SEPSECS: variants seen among roughly 807,000 people sequenced by gnomAD.
SEPSECS encodes the protein Sep (O-phosphoserine) tRNA:Sec (selenocysteine) tRNA synthase.
Under a neutral mutation model 52.1 loss-of-function variants are expected in SEPSECS, and 42 were observed. The ratio of observed to expected loss-of-function variants is 0.81; its 90% confidence interval spans 0.63 to 1.04. The LOEUF (loss-of-function observed/expected upper bound fraction) is 1.04. SEPSECS is among the 50% of genes least tolerant of loss of function. The probability of loss-of-function intolerance (pLI) is 0.00; values close to 1 mark genes in which losing one functional copy is unlikely to be tolerated. For synonymous variants in SEPSECS, 216 were observed against 211.4 expected (o/e 1.02, Z -0.19); for missense variants, 590 against 610.6 (o/e 0.97, Z 0.36).
chr4:25,133,941 C>G (rs1330261284), intron 8 of SEPSECS, among the ~76,000 whole-genome samples: 1 of 151,152 alleles, frequency 6.6e-6, no homozygotes, highest in Non-Finnish European at 1.5e-5. Context: ...TGGCAAAACC[C>G]TGTCTCTACA....
At chr4:25,158,019 TTAAAA>T (rs1712793432) in intron 2 of SEPSECS, among the ~76,000 whole-genome samples, 2 of 152,154 alleles carry the variant, frequency 1.3e-5, no homozygotes, top group African/African-American at 4.8e-5. Flanking sequence ...TCAATACTCT[TTAAAA>T]TAAAAAACCC....
Position 25,120,637 on chromosome 4 carries a change from T to C in SEPSECS, c.*3294A>G, listed in dbSNP as rs1012512862. The C allele has an allele frequency of 2.6e-5, 4 of 152,118 alleles. No individual in the cohort carries two copies. The highest frequency in any genetic ancestry group is 7.2e-5 in the African/African-American group (3 of 41,446). The allele number at this position is 152,118 out of a possible 1,614,324, so 9.4% of individuals were successfully genotyped here. A position where few individuals can be genotyped will look rare whatever the true frequency, so the allele number is the denominator to read the frequency against. ...AGGTTGGCCTCAAAAATGCAAAACA[T>C]AACAAAATCATTTAAGGGTCTGGCA... On this transcript the variant is annotated 3_prime_UTR_variant, in exon 11 of 11. Coordinates refer to ENST00000382103, the MANE Select transcript of SEPSECS (RefSeq NM_016955.4).
At chr4:25,138,090 G>GA (rs1300409511) in intron 8 of SEPSECS, among the ~76,000 whole-genome samples, 1 of 152,134 alleles carries the variant, frequency 6.6e-6, no homozygotes, top group Non-Finnish European at 1.5e-5. Flanking sequence ...GAGAGCATCA[G>GA]AAAAAATAGC....
intron 9 of SEPSECS, among the ~76,000 whole-genome samples, chr4:25,126,910 C>A (rs1243241706): frequency 6.6e-6 from 1 of 152,164 alleles, no homozygotes; most frequent in Non-Finnish European, 1.5e-5. Context: ...CCTGCCTCAG[C>A]CTCCCAAAGT....
chr4:25,160,276 T>TCCA lies in SEPSECS; in HGVS notation c.93_94insTGG (p.Leu31_Ile32insTrp). 1 of 1,556,816 alleles carries TCCA rather than the reference T, an allele frequency of 6.4e-7. No individual in the cohort carries two copies. ...GGTACCTTCTCCAGAAGCAGCCGTA[T>TCCA]GAGGTGCTCATGCGAGCGGCGGGCC... On this transcript the variant is annotated inframe_insertion, in exon 1 of 11. Transcript: ENST00000382103.
At chr4:25,154,391 G>A (rs1712490305) in intron 5 of SEPSECS, among the ~76,000 whole-genome samples, 1 of 152,098 alleles carries the variant, frequency 6.6e-6, no homozygotes, top group Non-Finnish European at 1.5e-5. Context: ...GTCAAAAACA[G>A]AAATCTGTAT....
intron 5 of SEPSECS, among the ~76,000 whole-genome samples, chr4:25,153,872 C>T (rs1466880819): frequency 6.6e-6 from 1 of 152,018 alleles, no homozygotes; most frequent in Non-Finnish European, 1.5e-5. Context: ...AGGTAAAACA[C>T]TTAACACTGT....
At chr4:25,156,232 G>A (rs545864407) in intron 3 of SEPSECS, 37 bp from the exon 4 acceptor site, 11 of 1,577,448 alleles carry the variant, frequency 7.0e-6, no homozygotes, top group African/African-American at 1.3e-5. Context: ...CTGTTATCCC[G>A]CTAAGCACCC....
chr4:25,141,777 C>T (rs1397103950), intron 8 of SEPSECS, among the ~76,000 whole-genome samples: 2 of 152,184 alleles, frequency 1.3e-5, no homozygotes, highest in Non-Finnish European at 2.9e-5. Flanking sequence ...GAAGGCCCCA[C>T]GTGATCAGCC....
At chr4:25,140,636 G>A (rs538168108) in intron 8 of SEPSECS, among the ~76,000 whole-genome samples, 1 of 152,282 alleles carries the variant, frequency 6.6e-6, no homozygotes, top group South Asian at 2.1e-4. Flanking sequence ...CTTCCACATA[G>A]TAAGTGCTCA....
At chr4:25,125,153 G>A (rs1728308456) in intron 10 of SEPSECS, 1 of 152,520 alleles carries the variant, frequency 6.6e-6, no homozygotes, top group African/African-American at 2.4e-5. Context: ...TTTACAGCAA[G>A]ATATTTCTTT....
chr4:25,155,165 C>A lies in SEPSECS; in HGVS notation c.548-14G>T, dbSNP rs776360357. ...CAGGCTCAAAACCTAACCAAACCAA[C>A]CAGAAAACAAAATGTTAGTGTGAAC... On this transcript the variant is annotated splice_polypyrimidine_tract_variant and intron_variant, in intron 4 of 10. Coordinates refer to ENST00000382103, the MANE Select transcript of SEPSECS (RefSeq NM_016955.4). 4 of 1,613,846 alleles carry A rather than the reference C, an allele frequency of 2.5e-6. No homozygotes were observed. In the South Asian group the frequency reaches 4.4e-5, roughly 18 times the overall value.
In SEPSECS at chr4:25,156,981, A is replaced by G; in HGVS notation, c.270-7T>C. 6.6e-7 allele frequency: 1 copy of G among 1,506,472 alleles called. No individual in the cohort carries two copies. Among genetic ancestry groups the G allele is most frequent in the Non-Finnish European group, 9.2e-7 (1 of 1,081,946 alleles). The allele number at this position is 1,506,472 out of a possible 1,614,324, so 93.3% of individuals were successfully genotyped here. On this transcript the variant is annotated splice_region_variant and splice_polypyrimidine_tract_variant and intron_variant, in intron 2 of 10. Coordinates refer to ENST00000382103, the MANE Select transcript of SEPSECS (RefSeq NM_016955.4). ...TCCAATGCCATGAATGAACCTAAGCAAAAAATGGGCCAAAAACTGGACAAA... is the reference window on the plus strand; with the variant it reads ...TCCAATGCCATGAATGAACCTAAGCGAAAAATGGGCCAAAAACTGGACAAA...
intron 8 of SEPSECS, among the ~76,000 whole-genome samples, chr4:25,127,958 G>C (rs1728450055): frequency 6.6e-6 from 1 of 152,070 alleles, no homozygotes; most frequent in Admixed American, 6.6e-5. Flanking sequence ...CTTTGTGCTT[G>C]CTTTCCCTGC....
chr4:25,160,481 C>A, upstream of SEPSECS: 2 of 816,424 alleles, frequency 2.4e-6, no homozygotes, highest in Non-Finnish European at 3.9e-6. Context: ...CGCCTTGGGA[C>A]AAAAAACAAA....
chr4:25,155,990 T>C, intron 4 of SEPSECS, 47 bp downstream of exon 4: 1 of 1,524,702 alleles, frequency 6.6e-7, no homozygotes, highest in Non-Finnish European at 9.1e-7. Flanking sequence ...GAAATCTGAA[T>C]TTCATAATTA....
chr4:25,130,544 C>T (rs1456475025), intron 8 of SEPSECS, among the ~76,000 whole-genome samples: 2 of 151,892 alleles, frequency 1.3e-5, no homozygotes, highest in African/African-American at 2.4e-5. Context: ...ATCACTAGTA[C>T]GGGAGTAATT....
In SEPSECS at chr4:25,156,919, C is replaced by A. The variant is rs759814730; in HGVS notation, c.325G>T (p.Ala109Ser). Reference sequence around the variant, plus strand: ...ATTTTGTTCAAAAGGCTAGAGCCTGCAGCTTTTGGTTGCACAGCAGAAATA... The same window carrying A: ...ATTTTGTTCAAAAGGCTAGAGCCTGAAGCTTTTGGTTGCACAGCAGAAATA... ...GDISAVQPKA[A>S]GSSLLNKITN... The change falls in exon 3 of 11, where the codon GCA becomes TCA. Residue 109 changes from alanine (A) to serine (S), a missense_variant. Physicochemically the swap from Ala to Ser is moderately conservative, Grantham distance 99. Transcript: ENST00000382103. 1 of 1,613,498 alleles carries A rather than the reference C, an allele frequency of 6.2e-7. No individual in the cohort carries two copies. The highest frequency in any genetic ancestry group is 8.5e-7 in the Non-Finnish European group (1 of 1,179,654).
chr4:25,152,173 A>G, intron 5 of SEPSECS, 111 bp from the exon 6 acceptor site: 1 of 663,620 alleles, frequency 1.5e-6, no homozygotes. Flanking sequence ...CACCAAAGGA[A>G]AAAAACGACA....
Sources: allele counts gnomAD v4.1 joint callset (sites outside exome capture counted in the v4.1 genomes callset), GRCh38; gene constraint gnomAD v4.1.1; transcripts MANE v1.5; gene names NCBI Gene and HGNC (gene_info 2026-07-23, HGNC 2026-07-21).